Variants in SLC8A1 observed in about 807,000 individuals in gnomAD.
The protein encoded by SLC8A1 is solute carrier family 8 member A1, also known as sodium/calcium exchanger 1.
A neutral mutation model predicts 68.3 loss-of-function variants in SLC8A1; 18 were observed. That is an observed-to-expected ratio of 0.26 (90% CI 0.18 to 0.39). The LOEUF (loss-of-function observed/expected upper bound fraction) is 0.39. Among genes scored for constraint, SLC8A1 ranks in the 10% least tolerant of loss-of-function variants. SLC8A1 has a pLI of 1.00. For synonymous variants in SLC8A1, 475 were observed against 415.5 expected (o/e 1.14, Z -1.74); for missense variants, 985 against 1,156.7 (o/e 0.85, Z 2.15).
intron 2 of SLC8A1, among the ~76,000 whole-genome samples, chr2:40,307,186 C>T (rs143071954): frequency 1.2e-4 from 18 of 149,318 alleles, no homozygotes; most frequent in Admixed American, 6.0e-4. Context: ...CATACACACA[C>T]ACACACCAAT....
intron 2 of SLC8A1, among the ~76,000 whole-genome samples, chr2:40,193,411 T>C (rs2052283235): frequency 1.3e-5 from 2 of 152,118 alleles, no homozygotes; most frequent in Admixed American, 1.3e-4. Flanking sequence ...GATAGGCATG[T>C]AAACCAAAGA....
At chr2:40,198,936 G>C (rs1414043029) in intron 2 of SLC8A1, among the ~76,000 whole-genome samples, 2 of 102,470 alleles carry the variant, frequency 2.0e-5, no homozygotes, top group East Asian at 4.3e-4. Context: ...GCTAATTTAA[G>C]GAAAAAAAAA....
chr2:40,455,626 G>C (rs1576604093), upstream of SLC8A1, among the ~76,000 whole-genome samples: 1 of 152,146 alleles, frequency 6.6e-6, no homozygotes, highest in Non-Finnish European at 1.5e-5. Flanking sequence ...AAGAATCTCA[G>C]GTGAACCATT....
intron 1 of SLC8A1, among the ~76,000 whole-genome samples, chr2:40,499,975 CTTCT>C (rs753905286): frequency 1.3e-5 from 2 of 152,020 alleles, no homozygotes; most frequent in Non-Finnish European, 2.9e-5. Flanking sequence ...TGGGAAAAGG[CTTCT>C]TTCTATCTCG....
chr2:40,291,315 T>C (rs2069271034), intron 2 of SLC8A1, among the ~76,000 whole-genome samples: 1 of 152,206 alleles, frequency 6.6e-6, no homozygotes, highest in South Asian at 2.1e-4. Context: ...TGGAAGTCAC[T>C]GGTATGATGA....
chr2:40,450,366 G>T (rs560770883), intron 1 of SLC8A1, among the ~76,000 whole-genome samples: 1 of 152,092 alleles, frequency 6.6e-6, no homozygotes, highest in East Asian at 1.9e-4. Flanking sequence ...GTGTGTGTGT[G>T]TGTGCACGCG....
At chr2:40,216,525 G>C (rs1214911422) in intron 2 of SLC8A1, among the ~76,000 whole-genome samples, 1 of 152,084 alleles carries the variant, frequency 6.6e-6, no homozygotes, top group Non-Finnish European at 1.5e-5. Flanking sequence ...CCCTGTAATG[G>C]GATTGCTTGA....
At chr2:40,149,366 A>T (rs1234277006) in intron 6 of SLC8A1, among the ~76,000 whole-genome samples, 1 of 152,220 alleles carries the variant, frequency 6.6e-6, no homozygotes, top group African/African-American at 2.4e-5. Flanking sequence ...AAAGTAAACA[A>T]ATAACAAATA....
chr2:40,495,192 T>G (rs6726872), intron 1 of SLC8A1, among the ~76,000 whole-genome samples: 79,148 of 151,746 alleles, frequency 0.52, 21,120 homozygotes, highest in African/African-American at 0.63. Flanking sequence ...ATTATGAATA[T>G]ATGATTATCT....
chr2:40,231,299 A>G (rs564846019), intron 2 of SLC8A1, among the ~76,000 whole-genome samples: 81 of 152,326 alleles, frequency 5.3e-4, no homozygotes, highest in African/African-American at 1.9e-3. Flanking sequence ...GGAAATGTGC[A>G]TATGTAAGAA....
At chr2:40,316,111 C>T (rs567164655) in intron 2 of SLC8A1, among the ~76,000 whole-genome samples, 1 of 152,162 alleles carries the variant, frequency 6.6e-6, no homozygotes, top group South Asian at 2.1e-4. Context: ...TCTGTGGGTA[C>T]CTCACTGACA....
chr2:40,247,116 C>T (rs1380203819), intron 2 of SLC8A1, among the ~76,000 whole-genome samples: 1 of 152,076 alleles, frequency 6.6e-6, no homozygotes, highest in Non-Finnish European at 1.5e-5. Flanking sequence ...GGCCATTTTC[C>T]TGGGCAGAAG....
chr2:40,129,642 C>T (rs796243433), intron 7 of SLC8A1, among the ~76,000 whole-genome samples: 5 of 152,154 alleles, frequency 3.3e-5, no homozygotes, highest in Admixed American at 6.5e-5. Flanking sequence ...CTGCTACACT[C>T]GATGCTCATT....
intron 1 of SLC8A1, among the ~76,000 whole-genome samples, chr2:40,510,481 A>T (rs1269818725): frequency 2.0e-5 from 3 of 152,210 alleles, no homozygotes; most frequent in Non-Finnish European, 4.4e-5. Flanking sequence ...TATGCATTGC[A>T]TCTGTTCACA....
intron 2 of SLC8A1, among the ~76,000 whole-genome samples, chr2:40,357,360 G>A (rs889903226): frequency 6.6e-6 from 1 of 151,444 alleles, no homozygotes; most frequent in Non-Finnish European, 1.5e-5. Flanking sequence ...AGCCAAATGT[G>A]GTGGTGGGTG....
chr2:40,238,022 G>C (rs1189455591), intron 2 of SLC8A1, among the ~76,000 whole-genome samples: 1 of 152,168 alleles, frequency 6.6e-6, no homozygotes. Context: ...GTCAGACAGG[G>C]ACATTTAAGT....
At chr2:40,321,246 A>T (rs1487882243) in intron 2 of SLC8A1, among the ~76,000 whole-genome samples, 1 of 151,910 alleles carries the variant, frequency 6.6e-6, no homozygotes, top group Admixed American at 6.6e-5. Context: ...ATGGACAAAC[A>T]TCTGTTAAGG....
intron 2 of SLC8A1, among the ~76,000 whole-genome samples, chr2:40,369,745 T>C (rs1575766646): frequency 6.6e-6 from 1 of 152,084 alleles, no homozygotes; most frequent in Non-Finnish European, 1.5e-5. Context: ...TCTTTCCAGT[T>C]AAATTGTTGA....
At chr2:40,410,614 C>A (rs866495402) in intron 2 of SLC8A1, among the ~76,000 whole-genome samples, 13 of 151,840 alleles carry the variant, frequency 8.6e-5, no homozygotes, top group Middle Eastern at 3.2e-3. Flanking sequence ...ACATGTATAA[C>A]ATGATATTTT....
Sources: gnomAD v4.1 joint callset for allele counts (sites outside exome capture counted in the v4.1 genomes callset) on GRCh38, gnomAD v4.1.1 for gene constraint, MANE v1.5 for transcripts, NCBI Gene and HGNC (gene_info 2026-07-23, HGNC 2026-07-21) for gene names.